Variants in ATF7IP observed in about 807,000 individuals in gnomAD.
ATF7IP encodes activating transcription factor 7 interacting protein.
In ATF7IP, 23 loss-of-function variants were observed where a neutral mutation model predicts 106.4. The observed-to-expected ratio is 0.22, with a 90% confidence interval of 0.16 to 0.31. The LOEUF (loss-of-function observed/expected upper bound fraction) is 0.31. Ranked by LOEUF, ATF7IP falls within the 10% of genes least tolerant of loss-of-function variation. The pLI, the probability that ATF7IP is intolerant of heterozygous loss-of-function variation, is 1.00. For missense variants in ATF7IP, 1,334 were observed against 1,524.3 expected (o/e 0.88, Z 2.08); for synonymous variants, 542 against 539.0 (o/e 1.01, Z -0.08).
Position 14,430,691 on chromosome 12 carries a change from T to C in ATF7IP, c.1559-3646T>C, listed in dbSNP as rs373834462. Among the ~76,000 whole-genome samples the C allele has an allele frequency of 3.7e-4, 56 of 152,346 alleles. 1 individual carries two copies. The East Asian group carries it at 5.8e-3, about 16-fold the overall frequency. On this transcript the variant is annotated intron_variant, in intron 2 of 14. Transcript: ENST00000261168. ...CTTTAATTTGTCTGTAGGAATTTCTTGTTTTGTTACAAATATTTTCATGGA... is the reference window on the plus strand; with the variant it reads ...CTTTAATTTGTCTGTAGGAATTTCTCGTTTTGTTACAAATATTTTCATGGA...
intron 4 of ATF7IP, among the ~76,000 whole-genome samples, chr12:14,436,799 AAAG>A (rs1043848372): frequency 6.6e-6 from 1 of 151,638 alleles, no homozygotes; most frequent in Non-Finnish European, 1.5e-5. Flanking sequence ...TTTTTTTAAA[AAAG>A]GTTATGATTA....
intron 1 of ATF7IP, among the ~76,000 whole-genome samples, chr12:14,418,496 T>C (rs910006502): frequency 6.6e-5 from 10 of 152,192 alleles, no homozygotes; most frequent in Non-Finnish European, 1.2e-4. Context: ...ATGAATGGCA[T>C]CTTAGTTCTA....
intron 5 of ATF7IP, 64 bp downstream of exon 5, chr12:14,438,331 A>G (rs111508369): frequency 2.2e-6 from 3 of 1,374,492 alleles, no homozygotes; most frequent in Non-Finnish European, 9.9e-7. Context: ...ATTTTCTGAG[A>G]TATATATTTG....
At chr12:14,447,590 A>G (rs1455526608) in intron 6 of ATF7IP, among the ~76,000 whole-genome samples, 1 of 152,120 alleles carries the variant, frequency 6.6e-6, no homozygotes, top group Non-Finnish European at 1.5e-5. Flanking sequence ...CCCTTAGGTT[A>G]TGCAATTCTT....
At chr12:14,488,251 T>C (rs1429570361) in intron 13 of ATF7IP, among the ~76,000 whole-genome samples, 1 of 152,052 alleles carries the variant, frequency 6.6e-6, no homozygotes, top group Non-Finnish European at 1.5e-5. Flanking sequence ...TATTTTTATA[T>C]ATATCTATAG....
At chr12:14,373,516 A>C (rs75708424) in intron 1 of ATF7IP, among the ~76,000 whole-genome samples, 2,564 of 152,284 alleles carry the variant, frequency 0.017, 71 homozygotes, top group African/African-American at 0.059. Context: ...CTCATGGTTT[A>C]TGTGTGATCA....
intron 13 of ATF7IP, among the ~76,000 whole-genome samples, chr12:14,492,933 G>A (rs1159450584): frequency 1.3e-5 from 2 of 152,158 alleles, no homozygotes; most frequent in Non-Finnish European, 2.9e-5. Context: ...TTGGTCAAGG[G>A]TATATCTTCT....
At chr12:14,452,964 T>G (rs887650168) in intron 6 of ATF7IP, among the ~76,000 whole-genome samples, 1 of 152,194 alleles carries the variant, frequency 6.6e-6, no homozygotes, top group Non-Finnish European at 1.5e-5. Context: ...TTGAAGCATA[T>G]TATTGCCAGG....
intron 6 of ATF7IP, among the ~76,000 whole-genome samples, chr12:14,452,224 G>T (rs1399265428): frequency 1.3e-5 from 2 of 151,998 alleles, no homozygotes; most frequent in African/African-American, 4.8e-5. Context: ...CTTTCATTCT[G>T]TGTTGTATTT....
At chr12:14,375,051 A>C (rs1938679535) in intron 1 of ATF7IP, among the ~76,000 whole-genome samples, 1 of 151,212 alleles carries the variant, frequency 6.6e-6, no homozygotes, top group Non-Finnish European at 1.5e-5. Context: ...ATTGCTTTCC[A>C]CCATGCCTTG....
intron 1 of ATF7IP, among the ~76,000 whole-genome samples, chr12:14,367,062 G>A (rs1166514809): frequency 6.6e-6 from 1 of 152,076 alleles, no homozygotes. Flanking sequence ...TGATTCTCCC[G>A]TTGTGCAAAT....
At chr12:14,385,388 A>T (rs960897195) in intron 1 of ATF7IP, 1 of 1,534,112 alleles carries the variant, frequency 6.5e-7, no homozygotes, top group Non-Finnish European at 8.7e-7. Flanking sequence ...TGTCACATGC[A>T]TCAGGACCAG....
intron 1 of ATF7IP, among the ~76,000 whole-genome samples, chr12:14,415,237 T>C (rs1941140433): frequency 6.6e-6 from 1 of 152,206 alleles, no homozygotes; most frequent in African/African-American, 2.4e-5. Flanking sequence ...TATTCTAAAA[T>C]GGCATTTGTT....
intron 1 of ATF7IP, among the ~76,000 whole-genome samples, chr12:14,387,235 T>C (rs1591770649): frequency 6.6e-6 from 1 of 152,132 alleles, no homozygotes; most frequent in East Asian, 1.9e-4. Context: ...CATTTCAATG[T>C]GTTTGAGGGA....
intron 13 of ATF7IP, among the ~76,000 whole-genome samples, chr12:14,486,347 C>T (rs530470336): frequency 6.6e-6 from 1 of 152,252 alleles, no homozygotes; most frequent in East Asian, 1.9e-4. Context: ...TTCCCCAGTG[C>T]ACAGTTACCC....
intron 2 of ATF7IP, among the ~76,000 whole-genome samples, chr12:14,426,481 A>G (rs1941850866): frequency 6.6e-6 from 1 of 151,494 alleles, no homozygotes; most frequent in East Asian, 1.9e-4. Flanking sequence ...TCCCCAATAT[A>G]TCATACCAGC....
intron 1 of ATF7IP, among the ~76,000 whole-genome samples, chr12:14,423,559 C>T (rs1941646700): frequency 9.8e-6 from 1 of 102,466 alleles, no homozygotes; most frequent in Admixed American, 9.5e-5. Flanking sequence ...TTTTCTTTCT[C>T]ATTTTCTTCA....
intron 6 of ATF7IP, 104 bp downstream of exon 6, chr12:14,447,157 T>A: frequency 2.3e-6 from 2 of 857,678 alleles, no homozygotes; most frequent in Non-Finnish European, 3.6e-6. Context: ...AAATTTGCTT[T>A]CATACTGTGT....
rs35509274 is a variant in ATF7IP at position 14,469,362 on chromosome 12, C to CA, written c.2862+2793dup. On this transcript the variant is annotated intron_variant, in intron 10 of 14. Coordinates refer to ENST00000261168, the MANE Select transcript of ATF7IP (RefSeq NM_018179.5). ...CCTGGGTGACAGAATGAGACTGTCTCAAAAAAAAAAAAAAAAAAAAACTTG... is the reference window on the plus strand; with the variant it reads ...CCTGGGTGACAGAATGAGACTGTCTCAAAAAAAAAAAAAAAAAAAAAACTTG... Among the ~76,000 whole-genome samples, 47 of 88,370 alleles carry CA rather than the reference C, an allele frequency of 5.3e-4. 1 individual carries two copies. The highest frequency in any genetic ancestry group is 7.1e-4 in the African/African-American group (16 of 22,472). 58.0% of individuals were successfully genotyped at this position (88,370 alleles called of 152,430 possible).
Sources: allele counts gnomAD v4.1 joint callset (sites outside exome capture counted in the v4.1 genomes callset), GRCh38; gene constraint gnomAD v4.1.1; transcripts MANE v1.5; gene names NCBI Gene and HGNC (gene_info 2026-07-23, HGNC 2026-07-21).